CTNNBL1: variants seen among roughly 807,000 people sequenced by gnomAD.
CTNNBL1 encodes the protein beta-catenin-like protein 1.
Under a neutral mutation model 72.7 loss-of-function variants are expected in CTNNBL1, and 31 were observed. The observed-to-expected ratio is 0.43, with a 90% CI of 0.32 to 0.58. CTNNBL1 has a LOEUF of 0.58. Among genes scored for constraint, CTNNBL1 ranks in the 20% least tolerant of loss-of-function variants. The probability of loss-of-function intolerance (pLI) is 0.08; values close to 1 mark genes in which losing one functional copy is unlikely to be tolerated. For missense variants in CTNNBL1, 534 were observed against 725.1 expected (o/e 0.74, Z 3.03); for synonymous variants, 240 against 267.3 (o/e 0.90, Z 1.00).
In CTNNBL1 at chr20:37,831,271, T is replaced by TA. The variant is rs568682352; in HGVS notation, c.1214-8831_1214-8830insA. On this transcript the variant is annotated intron_variant, in intron 11 of 15. Transcript: ENST00000361383. ...CCTCCTCTTTCCTACCCCAGCTGAA[T>TA]TAGGGGTCCTTCACATATGCGCTGA... Among the ~76,000 whole-genome samples the TA allele has an allele frequency of 2.5e-3, 387 of 152,338 alleles. 3 individuals carry two copies. Among genetic ancestry groups the TA allele is most frequent in the African/African-American group, 8.9e-3 (369 of 41,584 alleles).
chr20:37,736,205 T>A (rs1385316224), intron 2 of CTNNBL1, among the ~76,000 whole-genome samples: 2 of 152,146 alleles, frequency 1.3e-5, no homozygotes, highest in Non-Finnish European at 2.9e-5. Flanking sequence ...CAGCATCTAG[T>A]AAGTACCAGG....
intron 10 of CTNNBL1, among the ~76,000 whole-genome samples, chr20:37,782,103 A>C (rs1434750664): frequency 2.6e-5 from 4 of 152,166 alleles, no homozygotes; most frequent in Admixed American, 1.3e-4. Flanking sequence ...ACAGTTGCAA[A>C]ACACTGCTAA....
chr20:37,788,199 T>C (rs939023642), intron 10 of CTNNBL1, among the ~76,000 whole-genome samples: 3 of 152,228 alleles, frequency 2.0e-5, no homozygotes, highest in African/African-American at 7.2e-5. Flanking sequence ...GTCAGAGCAC[T>C]TTCTGCACCA....
intron 10 of CTNNBL1, among the ~76,000 whole-genome samples, chr20:37,797,568 A>G (rs1024111407): frequency 4.6e-5 from 7 of 152,042 alleles, no homozygotes; most frequent in African/African-American, 1.4e-4. Flanking sequence ...TGGTGACTTC[A>G]TTATTGGGCT....
chr20:37,806,098 TG>T (rs1201838270), intron 11 of CTNNBL1, among the ~76,000 whole-genome samples: 2 of 152,190 alleles, frequency 1.3e-5, no homozygotes, highest in African/African-American at 4.8e-5. Context: ...ATGAGTGGGT[TG>T]CTAGCCCTAA....
chr20:37,844,322 T>C (rs1488999592), intron 13 of CTNNBL1, among the ~76,000 whole-genome samples: 2 of 152,160 alleles, frequency 1.3e-5, no homozygotes, highest in Non-Finnish European at 2.9e-5. Context: ...TCATGTAGCC[T>C]CAGTTTCTGG....
intron 15 of CTNNBL1, among the ~76,000 whole-genome samples, chr20:37,869,152 T>C (rs1003450757): frequency 6.6e-6 from 1 of 152,072 alleles, no homozygotes; most frequent in Non-Finnish European, 1.5e-5. Context: ...TTTCTGGGGG[T>C]AGACACACAG....
intron 13 of CTNNBL1, among the ~76,000 whole-genome samples, chr20:37,857,854 A>C (rs564993019): frequency 6.6e-6 from 1 of 152,332 alleles, no homozygotes; most frequent in South Asian, 2.1e-4. Context: ...CACGCAGAAC[A>C]AGTCCCCACA....
At chr20:37,699,233 G>T (rs1283172683) in intron 1 of CTNNBL1, among the ~76,000 whole-genome samples, 2 of 152,168 alleles carry the variant, frequency 1.3e-5, no homozygotes, top group Non-Finnish European at 2.9e-5. Flanking sequence ...CTACCTTAAG[G>T]CATCTAGCTA....
intron 1 of CTNNBL1, among the ~76,000 whole-genome samples, chr20:37,713,016 A>G (rs1028429248): frequency 6.6e-6 from 1 of 152,196 alleles, no homozygotes; most frequent in South Asian, 2.1e-4. Flanking sequence ...AAGCTTGCCA[A>G]TGTAAAGTCA....
At chr20:37,758,606 C>A (rs1052110604) in intron 5 of CTNNBL1, among the ~76,000 whole-genome samples, 1 of 152,222 alleles carries the variant, frequency 6.6e-6, no homozygotes, top group Admixed American at 6.5e-5. Context: ...AGCTGGCCAG[C>A]GGCAGAAGTG....
chr20:37,795,155 G>A (rs1053085408), intron 10 of CTNNBL1, among the ~76,000 whole-genome samples: 1 of 142,472 alleles, frequency 7.0e-6, no homozygotes, highest in Non-Finnish European at 1.5e-5. Flanking sequence ...TTTTTTTTGA[G>A]ACAAGGTCCC....
chr20:37,845,955 G>A (rs1249589253), intron 13 of CTNNBL1, among the ~76,000 whole-genome samples: 1 of 152,060 alleles, frequency 6.6e-6, no homozygotes, highest in Non-Finnish European at 1.5e-5. Flanking sequence ...GACTTCTCTG[G>A]GCACAGTGCA....
intron 11 of CTNNBL1, among the ~76,000 whole-genome samples, chr20:37,833,426 C>T (rs1245328213): frequency 1.3e-5 from 2 of 152,146 alleles, no homozygotes; most frequent in East Asian, 3.9e-4. Context: ...GCAGGGAGCC[C>T]AGCAGGCAGG....
At chr20:37,865,983 T>A (rs936852649) in intron 15 of CTNNBL1, among the ~76,000 whole-genome samples, 1 of 152,242 alleles carries the variant, frequency 6.6e-6, no homozygotes, top group African/African-American at 2.4e-5. Flanking sequence ...TTGGGGCTCT[T>A]GGTAACCCAA....
chr20:37,733,147 G>A, intron 2 of CTNNBL1, 80 bp downstream of exon 2: 1 of 1,229,786 alleles, frequency 8.1e-7, no homozygotes, highest in South Asian at 1.4e-5. Flanking sequence ...AAGCTTGTCT[G>A]AGCTTCCCAT....
At chr20:37,730,535 G>A (rs1353278671) in intron 1 of CTNNBL1, among the ~76,000 whole-genome samples, 2 of 152,360 alleles carry the variant, frequency 1.3e-5, no homozygotes, top group South Asian at 4.1e-4. Flanking sequence ...TGAACCAGGA[G>A]TAAGTTGAGC....
chr20:37,748,322 A>G (rs1329563904), intron 4 of CTNNBL1, among the ~76,000 whole-genome samples: 1 of 152,242 alleles, frequency 6.6e-6, no homozygotes, highest in Non-Finnish European at 1.5e-5. Context: ...AATGTTAGAT[A>G]GCATCAAGAA....
At chr20:37,803,966 T>C (rs1440379146) in intron 11 of CTNNBL1, among the ~76,000 whole-genome samples, 2 of 152,160 alleles carry the variant, frequency 1.3e-5, no homozygotes, top group African/African-American at 4.8e-5. Flanking sequence ...CCTCTCTCTT[T>C]TCCAGTTGAC....
Sources: allele counts gnomAD v4.1 joint callset (sites outside exome capture counted in the v4.1 genomes callset), GRCh38; gene constraint gnomAD v4.1.1; transcripts MANE v1.5; gene names NCBI Gene and HGNC (gene_info 2026-07-23, HGNC 2026-07-21).